Variants in CNTN1 observed in about 807,000 individuals in gnomAD.
CNTN1 encodes contactin 1.
In CNTN1, 38 loss-of-function variants were observed where a neutral mutation model predicts 126.4. The observed-to-expected ratio is 0.30, with a 90% confidence interval of 0.23 to 0.39. The LOEUF is 0.39. CNTN1 is among the 10% of genes least tolerant of loss of function. CNTN1 has a pLI of 1.00. For missense variants in CNTN1, 1,009 were observed against 1,248.4 expected, an observed-to-expected ratio of 0.81 and a Z score of 2.89; for synonymous variants, 413 against 422.6, an observed-to-expected ratio of 0.98 and a Z score of 0.28.
At chr12:41,067,358 A>C (rs1950066860) in intron 23 of CNTN1, among the ~76,000 whole-genome samples, 1 of 152,148 alleles carries the variant, frequency 6.6e-6, no homozygotes, top group Non-Finnish European at 1.5e-5. Context: ...GAGCAGCCAC[A>C]GTTTGTACTT....
chr12:40,892,225 G>A (rs1944263063), intron 1 of CNTN1, among the ~76,000 whole-genome samples: 1 of 152,080 alleles, frequency 6.6e-6, no homozygotes, highest in African/African-American at 2.4e-5. Flanking sequence ...TAGACTGGAT[G>A]CGAATAGCAA....
Position 40,982,683 on chromosome 12 carries a change from T to C in CNTN1, c.1963+1616T>C, listed in dbSNP as rs144853817. ...TCTAGATGCAGTATGTATAGGTGAG[T>C]AGCAGTGAACATAATAACAACAATA... On this transcript the variant is annotated intron_variant, in intron 16 of 23. Coordinates refer to ENST00000551295, the MANE Select transcript of CNTN1 (RefSeq NM_001843.4). 2.0e-5 allele frequency among the ~76,000 whole-genome samples: 3 copies of C among 152,118 alleles called. No individual in the cohort carries two copies. The East Asian group carries it at 5.8e-4, about 29-fold the overall frequency.
chr12:40,833,958 A>T (rs879385570), intron 1 of CNTN1, among the ~76,000 whole-genome samples: 3 of 152,198 alleles, frequency 2.0e-5, no homozygotes, highest in Non-Finnish European at 2.9e-5. Context: ...TTAATATCTG[A>T]TGAGGAACTA....
At chr12:40,993,074 T>C in intron 16 of CNTN1, 46 bp from the exon 17 acceptor site, 1 of 1,538,400 alleles carries the variant, frequency 6.5e-7, no homozygotes, top group Non-Finnish European at 9.0e-7. Context: ...ATAAAAGTGA[T>C]AAGTTAATCA....
At chr12:40,736,974 T>G (rs866394326) in intron 1 of CNTN1, among the ~76,000 whole-genome samples, 1 of 152,050 alleles carries the variant, frequency 6.6e-6, no homozygotes, top group Middle Eastern at 3.4e-3. Flanking sequence ...AAAATAAATT[T>G]TAAATCCTAC....
chr12:40,847,629 A>G (rs1256588840), intron 1 of CNTN1, among the ~76,000 whole-genome samples: 1 of 152,208 alleles, frequency 6.6e-6, no homozygotes, highest in Non-Finnish European at 1.5e-5. Context: ...TATTAGTTTC[A>G]TGGAAAAGTT....
chr12:40,885,984 T>A (rs918475051), intron 1 of CNTN1, among the ~76,000 whole-genome samples: 1 of 152,128 alleles, frequency 6.6e-6, no homozygotes, highest in African/African-American at 2.4e-5. Context: ...TTCACCTTTC[T>A]TATTTCTAAG....
chr12:40,711,312 C>T (rs1941907209), intron 1 of CNTN1, among the ~76,000 whole-genome samples: 1 of 152,018 alleles, frequency 6.6e-6, no homozygotes, highest in African/African-American at 2.4e-5. Context: ...TTTTCTCTTC[C>T]CTTTTCAGAA....
intron 17 of CNTN1, among the ~76,000 whole-genome samples, chr12:40,998,435 C>T (rs1041582246): frequency 6.6e-6 from 1 of 152,026 alleles, no homozygotes; most frequent in Non-Finnish European, 1.5e-5. Context: ...GAAAACAAGG[C>T]CTATAACAAT....
At chr12:41,056,247 T>A (rs189480043) in intron 23 of CNTN1, among the ~76,000 whole-genome samples, 68 of 152,240 alleles carry the variant, frequency 4.5e-4, no homozygotes, top group Non-Finnish European at 5.7e-4. Flanking sequence ...GTATCTTTGT[T>A]AAAATAACAC....
chr12:40,787,573 G>C (rs1940072333), intron 1 of CNTN1, among the ~76,000 whole-genome samples: 1 of 151,990 alleles, frequency 6.6e-6, no homozygotes, highest in Non-Finnish European at 1.5e-5. Context: ...ACTAATATAA[G>C]AAAATCTCAT....
intron 7 of CNTN1, among the ~76,000 whole-genome samples, chr12:40,931,482 G>A (rs892592603): frequency 6.6e-5 from 10 of 151,752 alleles, no homozygotes; most frequent in South Asian, 2.1e-4. Context: ...TCACATCTCC[G>A]AAACTTTTCT....
intron 5 of CNTN1, among the ~76,000 whole-genome samples, chr12:40,923,007 C>A (rs1018705385): frequency 7.3e-6 from 1 of 136,684 alleles, no homozygotes; most frequent in African/African-American, 2.8e-5. Context: ...ATGGAAGCAA[C>A]AAGCCATGTA....
intron 1 of CNTN1, among the ~76,000 whole-genome samples, chr12:40,805,557 TTTG>T (rs1452532195): frequency 5.9e-5 from 9 of 152,158 alleles, no homozygotes; most frequent in African/African-American, 1.9e-4. Flanking sequence ...AAATTCTCAC[TTTG>T]TTAAGGAAGG....
intron 1 of CNTN1, among the ~76,000 whole-genome samples, chr12:40,825,832 A>T (rs1941598350): frequency 6.6e-6 from 1 of 151,162 alleles, no homozygotes; most frequent in African/African-American, 2.4e-5. Context: ...GATGACAATG[A>T]TGATGATAAT....
rs572460905 is a variant in CNTN1, at chr12:40,970,410, C to T, written c.1805-10499C>T. Among the ~76,000 whole-genome samples, 4 of 152,068 alleles carry T rather than the reference C, an allele frequency of 2.6e-5. No individual in the cohort carries two copies. The East Asian group carries it at 7.7e-4, about 29-fold the overall frequency. Reference sequence around the variant, plus strand: ...TATGCTTAAAATGTCAAATGTCTTACGACCTTTTTTTTACTATTTACCGTA... The same window carrying T: ...TATGCTTAAAATGTCAAATGTCTTATGACCTTTTTTTTACTATTTACCGTA... On this transcript the variant is annotated intron_variant, in intron 15 of 23. Coordinates refer to ENST00000551295, the MANE Select transcript of CNTN1 (RefSeq NM_001843.4).
chr12:40,882,918 T>C (rs1388880072), intron 1 of CNTN1, among the ~76,000 whole-genome samples: 1 of 151,630 alleles, frequency 6.6e-6, no homozygotes, highest in Non-Finnish European at 1.5e-5. Context: ...TTTTATTATC[T>C]GAACTGTACA....
chr12:40,971,333 T>G, intron 15 of CNTN1: 1 of 967,486 alleles, frequency 1.0e-6, no homozygotes, highest in Non-Finnish European at 1.6e-6. Flanking sequence ...TTCTTTCACC[T>G]TACCCATCAA....
chr12:41,033,097 CT>C (rs1949181300), intron 23 of CNTN1, among the ~76,000 whole-genome samples: 1 of 152,092 alleles, frequency 6.6e-6, no homozygotes, highest in African/African-American at 2.4e-5. Context: ...ATAAGACTTC[CT>C]TTTAGACATA....
Sources: allele counts gnomAD v4.1 joint callset (sites outside exome capture counted in the v4.1 genomes callset), GRCh38; gene constraint gnomAD v4.1.1; transcripts MANE v1.5; gene names NCBI Gene and HGNC (gene_info 2026-07-23, HGNC 2026-07-21).